FGF10: variants seen among roughly 807,000 people sequenced by gnomAD.
FGF10 encodes fibroblast growth factor 10, also known as FGF-10.
FGF10 carries 2 observed loss-of-function variants against 19.8 expected under a neutral mutation model. That is an observed-to-expected ratio of 0.10 (90% confidence interval 0.04 to 0.32). The LOEUF (loss-of-function observed/expected upper bound fraction) is 0.32. Among genes scored for constraint, FGF10 ranks in the 10% least tolerant of loss-of-function variants. The pLI is 1.00. For missense variants in FGF10, 191 were observed against 246.3 expected (o/e 0.78, Z 1.50); for synonymous variants, 112 against 94.0 (o/e 1.19, Z -1.10).
chr5:44,314,667 G>T (rs977859840), intron 1 of FGF10, among the ~76,000 whole-genome samples: 2 of 151,932 alleles, frequency 1.3e-5, no homozygotes, highest in African/African-American at 2.4e-5. Context: ...GTAATGTTTT[G>T]ATGAGTGACT....
At chr5:44,364,680 A>T (rs888712023) in intron 1 of FGF10, among the ~76,000 whole-genome samples, 3 of 151,972 alleles carry the variant, frequency 2.0e-5, no homozygotes, top group African/African-American at 7.2e-5. Context: ...TCTCACATAC[A>T]TAATGAAGAT....
At position 44,388,626 on chromosome 5, in the gene FGF10, G is replaced by A. The variant is rs2111940919; in HGVS notation, c.57C>T (p.Cys19=). 33 of 1,614,120 alleles carry A rather than the reference G, an allele frequency of 2.0e-5. No homozygotes were observed. Among genetic ancestry groups the A allele is most frequent in the Non-Finnish European group, 2.7e-5 (32 of 1,180,020 alleles). Residue 19 remains cysteine (C), a synonymous_variant, in exon 1 of 3, where the codon TGC becomes TGT. Coordinates refer to ENST00000264664, the MANE Select transcript of FGF10 (RefSeq NM_004465.2). The part of the protein sequence containing the change: ...CASAFPHLPG[C]CCCCFLLLFL... ...ACAGCAACAAAAAGCAGCAGCAGCA[G>A]CAGCCGGGCAGGTGGGGAAAGGCTG...
At chr5:44,375,341 GC>G (rs1454813659) in intron 1 of FGF10, among the ~76,000 whole-genome samples, 6 of 152,214 alleles carry the variant, frequency 3.9e-5, no homozygotes, top group African/African-American at 1.2e-4. Context: ...TGAGAGGACA[GC>G]AGGAAGGTTT....
At chr5:44,339,329 T>C (rs1444141080) in intron 1 of FGF10, among the ~76,000 whole-genome samples, 1 of 152,170 alleles carries the variant, frequency 6.6e-6, no homozygotes, top group Non-Finnish European at 1.5e-5. Flanking sequence ...GTTACACATA[T>C]TATAATTTAA....
At chr5:44,344,985 A>T (rs146444105) in intron 1 of FGF10, among the ~76,000 whole-genome samples, 1 of 151,832 alleles carries the variant, frequency 6.6e-6, no homozygotes, top group East Asian at 1.9e-4. Context: ...TGCCTAAAAA[A>T]CTTTAGTTAT....
intron 1 of FGF10, among the ~76,000 whole-genome samples, chr5:44,330,006 A>G (rs1244270798): frequency 6.6e-6 from 1 of 152,188 alleles, no homozygotes; most frequent in East Asian, 1.9e-4. Context: ...CTTTTCATTC[A>G]TAAGCTGTCC....
chr5:44,337,497 A>G (rs1181406258), intron 1 of FGF10, among the ~76,000 whole-genome samples: 1 of 152,244 alleles, frequency 6.6e-6, no homozygotes. Flanking sequence ...TTGATGATAG[A>G]ACTGCCTAGC....
intron 1 of FGF10, among the ~76,000 whole-genome samples, chr5:44,316,904 G>T (rs1431321725): frequency 6.6e-6 from 1 of 152,128 alleles, no homozygotes; most frequent in Non-Finnish European, 1.5e-5. Flanking sequence ...CTACTCATAA[G>T]AATTTTATGG....
chr5:44,327,751 A>G (rs752950139), intron 1 of FGF10, among the ~76,000 whole-genome samples: 1 of 152,200 alleles, frequency 6.6e-6, no homozygotes. Context: ...AGGGAGGAGC[A>G]CAAATTCTTT....
intron 1 of FGF10, among the ~76,000 whole-genome samples, chr5:44,346,230 C>T (rs1283815353): frequency 6.6e-6 from 1 of 151,780 alleles, no homozygotes; most frequent in Non-Finnish European, 1.5e-5. Flanking sequence ...TCCAAAATGT[C>T]TTGACTCTTT....
intron 1 of FGF10, among the ~76,000 whole-genome samples, chr5:44,363,259 C>G (rs1561215011): frequency 6.6e-6 from 1 of 151,750 alleles, no homozygotes; most frequent in Non-Finnish European, 1.5e-5. Context: ...TAAGTGAAAA[C>G]TTGTATTAAA....
Position 44,380,815 on chromosome 5 carries a change from T to C in FGF10, c.325+7543A>G, listed in dbSNP as rs539631049. ...GGGCAACATAGTGAGACCCTGTCTC[T>C]ACAAAACGAACAAACAAAAATCAGC... On this transcript the variant is annotated intron_variant, in intron 1 of 2. Coordinates refer to ENST00000264664, the MANE Select transcript of FGF10 (RefSeq NM_004465.2). 1.1e-3 allele frequency among the ~76,000 whole-genome samples: 168 copies of C among 152,196 alleles called. 1 individual carries two copies. Among genetic ancestry groups the C allele is most frequent in the African/African-American group, 4.0e-3 (165 of 41,526 alleles).
intron 1 of FGF10, among the ~76,000 whole-genome samples, chr5:44,352,263 G>A (rs1483485921): frequency 1.3e-5 from 2 of 151,578 alleles, no homozygotes; most frequent in Non-Finnish European, 3.0e-5. Context: ...TGCTCTGACA[G>A]TAGATTTCAA....
intron 1 of FGF10, among the ~76,000 whole-genome samples, chr5:44,355,977 T>C (rs530276469): frequency 3.3e-5 from 5 of 151,554 alleles, no homozygotes; most frequent in Admixed American, 3.3e-4. Flanking sequence ...GTGAAATTGT[T>C]ACAATTTCCC....
intron 1 of FGF10, among the ~76,000 whole-genome samples, chr5:44,380,425 T>C (rs1404247586): frequency 6.6e-6 from 1 of 152,232 alleles, no homozygotes; most frequent in Non-Finnish European, 1.5e-5. Flanking sequence ...CTAACTCCTG[T>C]TGGTGTTTCA....
chr5:44,388,737 G>A lies in FGF10; in HGVS notation c.-55C>T. The A allele has an allele frequency of 6.3e-7, 1 of 1,582,870 alleles. No individual in the cohort carries two copies. The highest frequency in any genetic ancestry group is 1.1e-5 in the South Asian group (1 of 89,918). ...TCTCATCAGAAGGAACATACTGGAA[G>A]GGTAAGACCCGATGCAAGGCAAGGA... On this transcript the variant is annotated 5_prime_UTR_variant, in exon 1 of 3. Transcript: ENST00000264664.
At chr5:44,329,050 A>G (rs552988086) in intron 1 of FGF10, among the ~76,000 whole-genome samples, 87 of 152,328 alleles carry the variant, frequency 5.7e-4, no homozygotes, top group African/African-American at 2.0e-3. Context: ...AATTATTTCA[A>G]GTGGATTCCA....
rs1739955203 is a variant in FGF10, at chr5:44,301,017, G to C, written c.*3978C>G. Among the ~76,000 whole-genome samples, 1 of 152,084 alleles carries C rather than the reference G, an allele frequency of 6.6e-6. No individual in the cohort carries two copies. The highest frequency in any genetic ancestry group is 1.5e-5 in the Non-Finnish European group (1 of 68,006). ...AAACCAATGAAGGGTAACAGAAAAT[G>C]AATGTCTGAGAAGAAGCAGATCTTC... On this transcript the variant is annotated 3_prime_UTR_variant, in exon 3 of 3. Coordinates refer to ENST00000264664, the MANE Select transcript of FGF10 (RefSeq NM_004465.2).
At chr5:44,349,453 T>TATATATATATATATATATATCAGA (rs1741180116) in intron 1 of FGF10, among the ~76,000 whole-genome samples, 17 of 23,068 alleles carry the variant, frequency 7.4e-4, no homozygotes, top group Non-Finnish European at 1.2e-3. Context: ...TATATATATA[T>TATATATATATATATATATATCAGA]ATATATATAT....
Sources: allele counts gnomAD v4.1 joint callset (sites outside exome capture counted in the v4.1 genomes callset), GRCh38; gene constraint gnomAD v4.1.1; transcripts MANE v1.5; gene names NCBI Gene and HGNC (gene_info 2026-07-23, HGNC 2026-07-21).